The following LEF1 variants were observed in gnomAD, a reference collection of about 807,000 sequenced individuals.
LEF1 encodes the protein lymphoid enhancer binding factor 1.
A neutral mutation model predicts 51.2 loss-of-function variants in LEF1; 14 were observed. That is an observed-to-expected ratio of 0.27 (90% CI 0.18 to 0.43). LEF1 has a LOEUF of 0.43. Ranked by LOEUF, LEF1 falls within the 20% of genes least tolerant of loss-of-function variation. The pLI is 1.00. For synonymous variants in LEF1, 185 were observed against 183.2 expected (o/e 1.01, Z -0.08); for missense variants, 386 against 512.0 (o/e 0.75, Z 2.37).
intron 3 of LEF1, among the ~76,000 whole-genome samples, chr4:108,122,364 AT>A (rs1742233840): frequency 6.6e-6 from 1 of 151,988 alleles, no homozygotes; most frequent in Admixed American, 6.6e-5. Flanking sequence ...ATCATGGCGT[AT>A]TTTTTTCATA....
At chr4:108,126,297 T>A (rs1742520039) in intron 3 of LEF1, among the ~76,000 whole-genome samples, 1 of 152,204 alleles carries the variant, frequency 6.6e-6, no homozygotes, top group African/African-American at 2.4e-5. Flanking sequence ...ATTTTTCATC[T>A]AAGTCCCCAA....
At chr4:108,153,582 T>C (rs1578402967) in intron 3 of LEF1, among the ~76,000 whole-genome samples, 2 of 152,376 alleles carry the variant, frequency 1.3e-5, no homozygotes, top group Admixed American at 1.3e-4. Context: ...ATATTAACTT[T>C]ATAAACATGT....
chr4:108,162,520 C>T (rs1745125037), intron 3 of LEF1, among the ~76,000 whole-genome samples: 2 of 152,168 alleles, frequency 1.3e-5, no homozygotes, highest in Admixed American at 6.5e-5. Flanking sequence ...AACAACGTTA[C>T]TCTTCCCAGA....
chr4:108,079,816 T>C lies in LEF1; in HGVS notation c.723-202A>G, dbSNP rs964210847. ...CGGGTGGAAAAAAAAAAGTGAATCA[T>C]TTTTCTTGCAAAGCAATTTTGAAAT... On this transcript the variant is annotated intron_variant, in intron 6 of 11. Coordinates refer to ENST00000265165, the MANE Select transcript of LEF1 (RefSeq NM_016269.5). Among the ~76,000 whole-genome samples the C allele has an allele frequency of 2.0e-5, 3 of 152,170 alleles. No homozygotes were observed. The East Asian group carries it at 5.8e-4, about 29-fold the overall frequency.
At chr4:108,065,246 G>T (rs1289374647) in intron 9 of LEF1, among the ~76,000 whole-genome samples, 1 of 152,168 alleles carries the variant, frequency 6.6e-6, no homozygotes, top group African/African-American at 2.4e-5. Context: ...CGGCACTTCA[G>T]GAAGCCGAGG....
intron 3 of LEF1, among the ~76,000 whole-genome samples, chr4:108,137,157 A>T (rs991667137): frequency 4.6e-5 from 7 of 152,190 alleles, no homozygotes; most frequent in Non-Finnish European, 1.0e-4. Context: ...TATTTTCAAC[A>T]TTTTTTACAA....
chr4:108,089,321 G>A, intron 3 of LEF1, 64 bp from the exon 4 acceptor site: 2 of 1,550,426 alleles, frequency 1.3e-6, no homozygotes, highest in Admixed American at 2.0e-5. Flanking sequence ...TTCTCCCAAA[G>A]AAAAAAATTC....
At chr4:108,082,634 G>C (rs1409628534) in intron 5 of LEF1, among the ~76,000 whole-genome samples, 1 of 152,132 alleles carries the variant, frequency 6.6e-6, no homozygotes, top group Non-Finnish European at 1.5e-5. Flanking sequence ...AGAGTGGAGA[G>C]AGCATGGGAG....
chr4:108,101,112 GAAGAGATTTGTAGA>G (rs1740793790), intron 3 of LEF1, among the ~76,000 whole-genome samples: 1 of 152,168 alleles, frequency 6.6e-6, no homozygotes, highest in Non-Finnish European at 1.5e-5. Flanking sequence ...ACAGCAATGA[GAAGAGATTTGTAGA>G]AGATTCACAG....
intron 6 of LEF1, among the ~76,000 whole-genome samples, chr4:108,079,927 C>T (rs1436877151): frequency 6.6e-6 from 1 of 152,096 alleles, no homozygotes; most frequent in Non-Finnish European, 1.5e-5. Context: ...GAAAGCAAAA[C>T]ACATCATGTT....
At chr4:108,111,652 C>T (rs1741539698) in intron 3 of LEF1, among the ~76,000 whole-genome samples, 1 of 152,228 alleles carries the variant, frequency 6.6e-6, no homozygotes, top group Admixed American at 6.5e-5. Flanking sequence ...TGGCTCACGC[C>T]TGTAATCCTA....
chr4:108,059,683 T>C (rs1737542434), intron 11 of LEF1, among the ~76,000 whole-genome samples: 1 of 152,080 alleles, frequency 6.6e-6, no homozygotes, highest in Admixed American at 6.6e-5. Flanking sequence ...ATATTCCACA[T>C]CACACTCTGA....
chr4:108,052,629 G>A (rs752874694), intron 11 of LEF1, among the ~76,000 whole-genome samples: 1 of 152,192 alleles, frequency 6.6e-6, no homozygotes, highest in African/African-American at 2.4e-5. Flanking sequence ...ACAGCAGGAA[G>A]CAAGCGTGAC....
At chr4:108,125,728 T>TG (rs902513060) in intron 3 of LEF1, among the ~76,000 whole-genome samples, 43 of 151,890 alleles carry the variant, frequency 2.8e-4, no homozygotes, top group East Asian at 3.9e-4. Context: ...TTTTTTTTTT[T>TG]TAGCACGCAT....
intron 3 of LEF1, among the ~76,000 whole-genome samples, chr4:108,148,479 G>A (rs1237761955): frequency 6.6e-6 from 1 of 152,160 alleles, no homozygotes; most frequent in Non-Finnish European, 1.5e-5. Context: ...AGGGTGAGCA[G>A]GCTAGGCTCT....
chr4:108,101,296 A>G (rs6533351), intron 3 of LEF1, among the ~76,000 whole-genome samples: 69,805 of 152,102 alleles, frequency 0.46, 17,961 homozygotes, highest in Middle Eastern at 0.68. Flanking sequence ...AGCTTTCGAC[A>G]TGAGGCAGTG....
chr4:108,053,423 C>T (rs920580947), intron 11 of LEF1, among the ~76,000 whole-genome samples: 2 of 152,188 alleles, frequency 1.3e-5, no homozygotes, highest in Non-Finnish European at 2.9e-5. Context: ...AATCCCCTAA[C>T]CACAAAGCTC....
chr4:108,097,940 T>C (rs931098771), intron 3 of LEF1, among the ~76,000 whole-genome samples: 2 of 152,110 alleles, frequency 1.3e-5, no homozygotes, highest in Non-Finnish European at 1.5e-5. Context: ...TTTCTCTGTC[T>C]ACCATCCAGA....
Position 108,167,767 on chromosome 4 carries a change from TC to T in LEF1, c.-1del, listed in dbSNP as rs1176222480. On this transcript the variant is annotated 5_prime_UTR_variant, in exon 1 of 12. Coordinates refer to ENST00000265165, the MANE Select transcript of LEF1 (RefSeq NM_016269.5). This position sits in a 1 kb window ranked among gnomAD's most constrained non-coding sequence, Gnocchi z 5.7. Reference sequence around the variant, plus strand: ...CCACCTCCTCCGGAGAGTTGGGGCATCCCGGCGGCTCTGTAATCTCCGCTCC... The same window carrying T: ...CCACCTCCTCCGGAGAGTTGGGGCATCCGGCGGCTCTGTAATCTCCGCTCC... 2.5e-6 allele frequency: 4 copies of T among 1,611,440 alleles called. No homozygotes were observed. The African/African-American group carries it at 5.3e-5, about 22-fold the overall frequency.
Sources: allele counts gnomAD v4.1 joint callset (sites outside exome capture counted in the v4.1 genomes callset), GRCh38; gene constraint gnomAD v4.1.1; non-coding constraint Gnocchi (gnomAD v3.1); transcripts MANE v1.5; gene names NCBI Gene and HGNC (gene_info 2026-07-23, HGNC 2026-07-21).